The following DAPK2 variants were observed in gnomAD, a reference collection of about 807,000 sequenced individuals.
The protein encoded by DAPK2 is death-associated protein kinase 2.
DAPK2 carries 35 observed loss-of-function variants against 44.1 expected under a neutral mutation model. That is an observed-to-expected ratio of 0.79 (90% CI 0.61 to 1.05). The LOEUF (loss-of-function observed/expected upper bound fraction) is 1.05. Ranked by LOEUF, DAPK2 falls within the 50% of genes least tolerant of loss-of-function variation. The pLI is 0.00. For missense variants in DAPK2, 453 were observed against 483.2 expected (o/e 0.94, Z 0.59); for synonymous variants, 174 against 182.6 (o/e 0.95, Z 0.38).
At chr15:63,986,619 C>A (rs2078674671) in intron 1 of DAPK2, among the ~76,000 whole-genome samples, 1 of 152,112 alleles carries the variant, frequency 6.6e-6, no homozygotes, top group Non-Finnish European at 1.5e-5. Context: ...CACCACCCTA[C>A]CCCGCCAATG....
chr15:64,016,363 G>T (rs2079526164), intron 1 of DAPK2, among the ~76,000 whole-genome samples: 1 of 152,216 alleles, frequency 6.6e-6, no homozygotes. Context: ...AATTGTTCTG[G>T]CTTTGGAGCC....
At chr15:63,927,972 C>T (rs1449986259) in intron 6 of DAPK2, among the ~76,000 whole-genome samples, 1 of 152,112 alleles carries the variant, frequency 6.6e-6, no homozygotes, top group African/African-American at 2.4e-5. Context: ...TGGTCTTGAA[C>T]TCCTGGACTT....
chr15:63,988,919 C>A (rs1410560699), intron 1 of DAPK2, among the ~76,000 whole-genome samples: 1 of 151,944 alleles, frequency 6.6e-6, no homozygotes, highest in Non-Finnish European at 1.5e-5. Context: ...GTGGCTCACA[C>A]CTGTCATCCC....
At chr15:64,033,287 G>GGAAGGAAGGAAGGAAGGACGGAA (rs2080077211) in intron 1 of DAPK2, among the ~76,000 whole-genome samples, 1 of 51,176 alleles carries the variant, frequency 2.0e-5, no homozygotes, top group African/African-American at 5.8e-5. Flanking sequence ...AGGGGGAAGG[G>GGAAGGAAGGAAGGAAGGACGGAA]GGAAGGAAGG....
intron 1 of DAPK2, among the ~76,000 whole-genome samples, chr15:64,002,648 A>C (rs899631375): frequency 6.6e-6 from 1 of 152,222 alleles, no homozygotes; most frequent in Admixed American, 6.5e-5. Context: ...ATGCAAGTGA[A>C]TATGCTTTGT....
chr15:64,001,678 G>A (rs2079088361), intron 1 of DAPK2, among the ~76,000 whole-genome samples: 1 of 152,084 alleles, frequency 6.6e-6, no homozygotes, highest in South Asian at 2.1e-4. Context: ...GCTCCTAAAT[G>A]TTGTACCAGC....
chr15:63,967,820 T>C (rs940701263), intron 3 of DAPK2, among the ~76,000 whole-genome samples: 5 of 152,176 alleles, frequency 3.3e-5, no homozygotes, highest in Non-Finnish European at 4.4e-5. Flanking sequence ...AATACCAGCC[T>C]GAAGAGAGGT....
intron 2 of DAPK2, among the ~76,000 whole-genome samples, chr15:63,975,539 A>C (rs1318557902): frequency 6.6e-6 from 1 of 152,112 alleles, no homozygotes; most frequent in Non-Finnish European, 1.5e-5. Flanking sequence ...TCAGGATTCA[A>C]ACCCAAGCAG....
intron 1 of DAPK2, among the ~76,000 whole-genome samples, chr15:64,024,218 A>G (rs971525953): frequency 6.6e-6 from 1 of 152,190 alleles, no homozygotes; most frequent in African/African-American, 2.4e-5. Context: ...AACCAGTCTC[A>G]GTGGCAAGGG....
chr15:64,005,731 T>A (rs541311363), intron 1 of DAPK2, among the ~76,000 whole-genome samples: 2 of 151,930 alleles, frequency 1.3e-5, no homozygotes, highest in African/African-American at 4.8e-5. Flanking sequence ...TCAAACCACA[T>A]AAAACTCTGC....
At chr15:63,929,056 C>T (rs555089705) in intron 6 of DAPK2, among the ~76,000 whole-genome samples, 4 of 152,146 alleles carry the variant, frequency 2.6e-5, no homozygotes, top group East Asian at 3.9e-4. Flanking sequence ...CAAAATTAGC[C>T]AGGTGTGGTG....
chr15:64,035,182 C>A (rs562001135), intron 1 of DAPK2, among the ~76,000 whole-genome samples: 1 of 150,758 alleles, frequency 6.6e-6, no homozygotes, highest in African/African-American at 2.4e-5. Context: ...AAAAAAAAAT[C>A]ATCTAAGTAA....
At chr15:63,949,850 A>C (rs1301729841) in intron 3 of DAPK2, among the ~76,000 whole-genome samples, 2 of 152,252 alleles carry the variant, frequency 1.3e-5, no homozygotes, top group African/African-American at 4.8e-5. Flanking sequence ...GGGAATGTTA[A>C]TATGGTAAAG....
chr15:63,975,844 T>C (rs2078331681), intron 2 of DAPK2, among the ~76,000 whole-genome samples: 1 of 152,192 alleles, frequency 6.6e-6, no homozygotes, highest in Non-Finnish European at 1.5e-5. Context: ...TCCGTCCACC[T>C]CAGCCTCCCA....
Position 63,943,160 on chromosome 15 carries a change from A to T in DAPK2, c.454-3799T>A, listed in dbSNP as rs892863337. On this transcript the variant is annotated intron_variant, in intron 3 of 10. Transcript: ENST00000261891. Reference sequence around the variant, plus strand: ...CAAGACTAGCCAGGTGTGGTGGCTCATGCCTGTAACCCCAGAACTTTGGGT... The same window carrying T: ...CAAGACTAGCCAGGTGTGGTGGCTCTTGCCTGTAACCCCAGAACTTTGGGT... 2.1e-4 allele frequency among the ~76,000 whole-genome samples: 32 copies of T among 151,908 alleles called. 1 individual carries two copies. Among genetic ancestry groups the T allele is most frequent in the African/African-American group, 7.5e-4 (31 of 41,432 alleles).
chr15:63,930,415 A>G, exon 5 of DAPK2: 2 of 1,614,242 alleles, frequency 1.2e-6, no homozygotes, highest in Non-Finnish European at 1.7e-6. Flanking sequence ...ACCACATGTC[A>G]GCCTCCAGAC....
chr15:63,968,224 C>A (rs74021212), intron 3 of DAPK2, among the ~76,000 whole-genome samples: 3,971 of 152,290 alleles, frequency 0.026, 175 homozygotes, highest in African/African-American at 0.092. Context: ...TGAGGTAATC[C>A]TTCTGAGTTC....
At chr15:64,007,327 AG>A (rs2079260675) in intron 1 of DAPK2, among the ~76,000 whole-genome samples, 2 of 152,050 alleles carry the variant, frequency 1.3e-5, no homozygotes, top group African/African-American at 4.8e-5. Flanking sequence ...CTGAAGGTAC[AG>A]GGTCCCCTCA....
At chr15:64,028,030 G>GTATCTATCTATCTATCTATCTATCTATC (rs777029949) in intron 1 of DAPK2, among the ~76,000 whole-genome samples, 5 of 94,268 alleles carry the variant, frequency 5.3e-5, no homozygotes, top group African/African-American at 9.8e-5. Flanking sequence ...TACATAAACT[G>GTATCTATCTATCTATCTATCTATCTATC]TATCTATCTA....
Sources: allele counts gnomAD v4.1 joint callset (sites outside exome capture counted in the v4.1 genomes callset), GRCh38; gene constraint gnomAD v4.1.1; transcripts MANE v1.5; gene names NCBI Gene and HGNC (gene_info 2026-07-23, HGNC 2026-07-21).